ATP2C2: variants seen among roughly 807,000 people sequenced by gnomAD.
The protein encoded by ATP2C2 is ATPase secretory pathway Ca2+ transporting 2, also known as calcium-transporting ATPase type 2C member 2.
In ATP2C2, 171 loss-of-function variants were observed where a neutral mutation model predicts 110.8. The observed-to-expected ratio is 1.54, with a 90% CI of 1.36 to 1.75. The LOEUF is 1.75. Ranked by LOEUF, ATP2C2 falls within the 40% of genes most tolerant of loss-of-function variation. The pLI, the probability that ATP2C2 is intolerant of heterozygous loss-of-function variation, is 0.00. For missense variants in ATP2C2, 1,963 were observed against 1,235.0 expected (o/e 1.59, Z -8.84); for synonymous variants, 804 against 508.4 (o/e 1.58, Z -7.82).
chr16:84,453,664 G>T (rs1394596454), intron 20 of ATP2C2, among the ~76,000 whole-genome samples: 1 of 152,194 alleles, frequency 6.6e-6, no homozygotes, highest in East Asian at 1.9e-4. Flanking sequence ...AGGTTTAGCT[G>T]CAGGGGATGC....
chr16:84,401,650 AT>A lies in ATP2C2; in HGVS notation c.210+3044del, dbSNP rs553857495. On this transcript the variant is annotated intron_variant, in intron 2 of 26. Transcript: ENST00000262429. ...AAACGAGTTCACTGTAGATGTATGG[AT>A]TTATATCTGGGTTCTCTATTCTGTT... is the stretch of plus-strand genomic sequence containing the variant. Among the ~76,000 whole-genome samples, 361 of 152,092 alleles carry A rather than the reference AT, an allele frequency of 2.4e-3. 1 individual carries two copies. The highest frequency in any genetic ancestry group is 2.2e-3 in the Non-Finnish European group (151 of 67,994).
At position 84,453,247 on chromosome 16, in the gene ATP2C2, G is replaced by T; in HGVS notation, c.1929+12G>T. 6.2e-7 allele frequency: 1 copy of T among 1,614,060 alleles called. No homozygotes were observed. The highest frequency in any genetic ancestry group is 8.5e-7 in the Non-Finnish European group (1 of 1,179,952). ...ACCGCGTGGGGAAGGTGGGTCCCCG[G>T]AGGCTTGGCTGGCAGTGGGGCTGGG... On this transcript the variant is annotated intron_variant, in intron 19 of 26. Transcript: ENST00000262429.
Position 84,448,571 on chromosome 16 carries a change from A to G in ATP2C2, c.1542A>G (p.Glu514=). 1 of 1,613,540 alleles carries G rather than the reference A, an allele frequency of 6.2e-7. No individual in the cohort carries two copies. The highest frequency in any genetic ancestry group is 8.5e-7 in the Non-Finnish European group (1 of 1,179,670). ...EDIYFMKGAL[E]EVIRYCTMYN... ...TTTACTTCATGAAAGGGGCCTTGGAAGAGGTGATCCGCTACTGCACCATGT... is the reference window on the plus strand; with the variant it reads ...TTTACTTCATGAAAGGGGCCTTGGAGGAGGTGATCCGCTACTGCACCATGT... The change falls in exon 17 of 27, where the codon GAA becomes GAG. Residue 514 remains glutamate (E), a synonymous_variant. Coordinates refer to ENST00000262429, the MANE Select transcript of ATP2C2 (RefSeq NM_014861.4).
At chr16:84,406,400 T>C (rs1025932009) in intron 3 of ATP2C2, among the ~76,000 whole-genome samples, 7 of 152,160 alleles carry the variant, frequency 4.6e-5, no homozygotes, top group Non-Finnish European at 1.0e-4. Context: ...TTTTGCATGC[T>C]CTTGGCCCCA....
At chr16:84,389,735 T>G (rs1175993087) in intron 1 of ATP2C2, among the ~76,000 whole-genome samples, 11 of 150,816 alleles carry the variant, frequency 7.3e-5, no homozygotes, top group African/African-American at 2.7e-4. Context: ...TTTTTTTTTT[T>G]TTTGAGATGG....
At chr16:84,377,251 A>AC (rs1281258200) in intron 1 of ATP2C2, among the ~76,000 whole-genome samples, 1 of 152,206 alleles carries the variant, frequency 6.6e-6, no homozygotes, top group East Asian at 1.9e-4. Flanking sequence ...AAGTCTTAGC[A>AC]AGTAGTGGAA....
At chr16:84,394,010 ATAAAAAAAT>A (rs1401451236) in intron 1 of ATP2C2, among the ~76,000 whole-genome samples, 1 of 140,974 alleles carries the variant, frequency 7.1e-6, no homozygotes, top group Non-Finnish European at 1.5e-5. Context: ...ACCAAAAAAA[ATAAAAAAAT>A]AAAAAATAAA....
chr16:84,382,977 C>A (rs543511305), intron 1 of ATP2C2, among the ~76,000 whole-genome samples: 22 of 151,542 alleles, frequency 1.5e-4, no homozygotes, highest in Admixed American at 1.2e-3. Context: ...ACCATCCAGG[C>A]AAAAGCAGCC....
At chr16:84,372,927 C>T (rs376772483) in intron 1 of ATP2C2, among the ~76,000 whole-genome samples, 1 of 151,526 alleles carries the variant, frequency 6.6e-6, no homozygotes, top group Admixed American at 6.6e-5. Context: ...TCAAGACCAA[C>T]CTGGCCAATA....
Position 84,429,854 on chromosome 16 carries a change from GAA to G in ATP2C2, c.986+4054_986+4055del, listed in dbSNP as rs200001481. Among the ~76,000 whole-genome samples, 866 of 152,262 alleles carry G rather than the reference GAA, an allele frequency of 5.7e-3. 3 individuals carry two copies. Among genetic ancestry groups the G allele is most frequent in the African/African-American group, 0.02 (830 of 41,528 alleles). On this transcript the variant is annotated intron_variant, in intron 11 of 26. Coordinates refer to ENST00000262429, the MANE Select transcript of ATP2C2 (RefSeq NM_014861.4). ...CTTATTCTCACCATTCTAGAGGCCA[GAA>G]GTCCGAGGTCCAGGTGTGGCAGGAG...
intron 14 of ATP2C2, among the ~76,000 whole-genome samples, chr16:84,442,070 T>C (rs1477024970): frequency 1.3e-5 from 2 of 152,022 alleles, no homozygotes; most frequent in African/African-American, 2.4e-5. Flanking sequence ...TTTGCTTGTC[T>C]CTTTTTCATT....
At chr16:84,433,995 T>G (rs1908519863) in intron 11 of ATP2C2, among the ~76,000 whole-genome samples, 1 of 152,148 alleles carries the variant, frequency 6.6e-6, no homozygotes, top group Admixed American at 6.5e-5. Flanking sequence ...TTTTTCAGTT[T>G]TAGTGCCAGA....
At chr16:84,377,164 A>G (rs1910298292) in intron 1 of ATP2C2, among the ~76,000 whole-genome samples, 1 of 152,120 alleles carries the variant, frequency 6.6e-6, no homozygotes. Flanking sequence ...GCTAAGTCTT[A>G]GTAGTGGAAG....
At chr16:84,413,596 A>G (rs1050094667) in intron 6 of ATP2C2, among the ~76,000 whole-genome samples, 1 of 152,242 alleles carries the variant, frequency 6.6e-6, no homozygotes, top group Non-Finnish European at 1.5e-5. Context: ...AAGCTTAAAT[A>G]TCGAGTCTTG....
intron 21 of ATP2C2, among the ~76,000 whole-genome samples, chr16:84,456,377 C>G (rs997826658): frequency 2.4e-4 from 37 of 151,970 alleles, no homozygotes; most frequent in Non-Finnish European, 2.1e-4. Flanking sequence ...GTGTCCACAG[C>G]CAATATCATA....
intron 1 of ATP2C2, among the ~76,000 whole-genome samples, chr16:84,385,516 G>A (rs1262172115): frequency 6.6e-6 from 1 of 152,124 alleles, no homozygotes; most frequent in African/African-American, 2.4e-5. Flanking sequence ...TCTTCTCCCT[G>A]TTAACTTGGT....
chr16:84,431,947 A>G (rs1567719529), intron 11 of ATP2C2, among the ~76,000 whole-genome samples: 1 of 152,024 alleles, frequency 6.6e-6, no homozygotes, highest in Non-Finnish European at 1.5e-5. Context: ...TGCTGGGGAC[A>G]GTGGGGTTTG....
rs182964529 is a variant in ATP2C2, at chr16:84,416,913, G to A, written c.624+1322G>A. On this transcript the variant is annotated intron_variant, in intron 7 of 26. Coordinates refer to ENST00000262429, the MANE Select transcript of ATP2C2 (RefSeq NM_014861.4). ...ACATTTTCCACGTTTTCCTTCTCCC[G>A]AGAAGGGGGGTCCTAACAGGGGATG... 1.4e-3 allele frequency among the ~76,000 whole-genome samples: 154 copies of A among 109,204 alleles called. 1 individual carries two copies. Among genetic ancestry groups the A allele is most frequent in the Non-Finnish European group, 1.9e-3 (91 of 47,598 alleles). The allele number at this position is 109,204 out of a possible 152,430, so 71.6% of individuals were successfully genotyped here.
chr16:84,370,595 C>T (rs185858974), intron 1 of ATP2C2, among the ~76,000 whole-genome samples: 5 of 151,784 alleles, frequency 3.3e-5, no homozygotes, highest in African/African-American at 4.8e-5. Context: ...CATGTCCTCT[C>T]GTTGGAACTC....
Sources: allele counts gnomAD v4.1 joint callset (sites outside exome capture counted in the v4.1 genomes callset), GRCh38; gene constraint gnomAD v4.1.1; transcripts MANE v1.5; gene names NCBI Gene and HGNC (gene_info 2026-07-23, HGNC 2026-07-21).